SCN8A: variants seen among roughly 807,000 people sequenced by gnomAD.
The protein encoded by SCN8A is sodium voltage-gated channel alpha subunit 8.
SCN8A carries 30 observed loss-of-function variants against 184.1 expected under a neutral mutation model. The ratio of observed to expected loss-of-function variants is 0.16; its 90% CI spans 0.12 to 0.22. The LOEUF is 0.22. Among genes scored for constraint, SCN8A ranks in the 10% least tolerant of loss-of-function variants. The pLI is 1.00. For synonymous variants in SCN8A, 852 were observed against 907.0 expected, an observed-to-expected ratio of 0.94 and a Z score of 1.09; for missense variants, 1,057 against 2,498.9, an observed-to-expected ratio of 0.42 and a Z score of 12.30.
intron 1 of SCN8A, among the ~76,000 whole-genome samples, chr12:51,656,582 G>T (rs1163996661): frequency 2.0e-5 from 3 of 152,138 alleles, no homozygotes; most frequent in Non-Finnish European, 1.5e-5. Context: ...CTACAAACTA[G>T]TAAGAAAAAT....
At chr12:51,666,399 G>A (rs183039026) in intron 2 of SCN8A, among the ~76,000 whole-genome samples, 23 of 152,262 alleles carry the variant, frequency 1.5e-4, no homozygotes, top group African/African-American at 4.6e-4. Flanking sequence ...CCAGAATAGC[G>A]TATCTTAACC....
chr12:51,768,802 A>C, intron 16 of SCN8A, 63 bp from the exon 17 acceptor site: 13 of 1,402,728 alleles, frequency 9.3e-6, no homozygotes, highest in South Asian at 3.0e-5. Context: ...TCCAGTTTGC[A>C]ACCCTGAGTT....
chr12:51,646,571 C>T (rs1004949327), intron 1 of SCN8A, among the ~76,000 whole-genome samples: 1 of 152,020 alleles, frequency 6.6e-6, no homozygotes. Context: ...AAAAACTTTG[C>T]GAGAAGAAAT....
chr12:51,695,416 C>A (rs1941576998), intron 6 of SCN8A, among the ~76,000 whole-genome samples: 1 of 152,158 alleles, frequency 6.6e-6, no homozygotes, highest in East Asian at 1.9e-4. Flanking sequence ...GATGTTAAAC[C>A]AGCTGATTGT....
chr12:51,790,073 G>A (rs139986392), intron 24 of SCN8A, among the ~76,000 whole-genome samples: 1 of 152,310 alleles, frequency 6.6e-6, no homozygotes, highest in African/African-American at 2.4e-5. Flanking sequence ...CAGGAAAGCT[G>A]GCCCCCAGAA....
chr12:51,804,630 C>A (rs984097600), intron 26 of SCN8A, among the ~76,000 whole-genome samples: 7 of 152,120 alleles, frequency 4.6e-5, no homozygotes, highest in African/African-American at 1.7e-4. Context: ...GCTGGAATTA[C>A]ACTTGGCTAA....
At chr12:51,762,873 A>G (rs1047305625) in intron 15 of SCN8A, among the ~76,000 whole-genome samples, 197 bp downstream of exon 15, 7 of 152,236 alleles carry the variant, frequency 4.6e-5, no homozygotes, top group African/African-American at 1.4e-4. Flanking sequence ...TTAAAAATCA[A>G]TAAGCAAACA....
intron 1 of SCN8A, among the ~76,000 whole-genome samples, chr12:51,599,092 G>T (rs1939410084): frequency 1.3e-5 from 2 of 152,162 alleles, no homozygotes; most frequent in South Asian, 2.1e-4. Flanking sequence ...ATAACCTTGA[G>T]AACTATTGGT....
chr12:51,643,282 C>G (rs1317552732), intron 1 of SCN8A, among the ~76,000 whole-genome samples: 2 of 152,066 alleles, frequency 1.3e-5, no homozygotes, highest in Non-Finnish European at 2.9e-5. Flanking sequence ...CAATGTGATC[C>G]TAGGAATTCC....
chr12:51,713,683 G>T, intron 11 of SCN8A: 1 of 500,270 alleles, frequency 2.0e-6, no homozygotes, highest in Non-Finnish European at 3.5e-6. Flanking sequence ...TAAGGCTCAG[G>T]GCAGTTTATA....
At chr12:51,715,657 C>CAAAA (rs71092719) in intron 11 of SCN8A, among the ~76,000 whole-genome samples, 4 of 71,828 alleles carry the variant, frequency 5.6e-5, no homozygotes, top group African/African-American at 1.6e-4. Flanking sequence ...GTCTCTGTCT[C>CAAAA]AAAAAAAAAA....
intron 11 of SCN8A, among the ~76,000 whole-genome samples, chr12:51,720,637 C>A (rs1248526398): frequency 1.3e-5 from 2 of 151,610 alleles, no homozygotes; most frequent in African/African-American, 2.4e-5. Flanking sequence ...TAAATAAATA[C>A]ATAAATAAAA....
In SCN8A at chr12:51,810,902, G is replaced by C. The variant is rs1938872918; in HGVS notation, c.*3473G>C. The C allele has an allele frequency of 6.6e-6, 1 of 152,312 alleles. No homozygotes were observed. Among genetic ancestry groups the C allele is most frequent in the East Asian group, 1.9e-4 (1 of 5,186 alleles). 9.4% of individuals were successfully genotyped at this position (152,312 alleles called of 1,614,324 possible). ...CTGGAGAGAGATAAACAAACTCCCAGTCAAAGCCCCTAAAGCGACAGTGCC... is the reference window on the plus strand; with the variant it reads ...CTGGAGAGAGATAAACAAACTCCCACTCAAAGCCCCTAAAGCGACAGTGCC... On this transcript the variant is annotated 3_prime_UTR_variant, in exon 27 of 27. Transcript: ENST00000627620.
chr12:51,700,837 A>G (rs1036068158), intron 7 of SCN8A, among the ~76,000 whole-genome samples: 6 of 152,294 alleles, frequency 3.9e-5, no homozygotes, highest in Non-Finnish European at 8.8e-5. Flanking sequence ...AACTCAGAAA[A>G]CTTACTTTTA....
chr12:51,788,604 A>C (rs1938156006), intron 22 of SCN8A, 91 bp from the exon 23 acceptor site: 1 of 936,522 alleles, frequency 1.1e-6, no homozygotes, highest in Non-Finnish European at 1.6e-6. Flanking sequence ...CTGTGTTCTC[A>C]CTGAACCTAA....
intron 2 of SCN8A, among the ~76,000 whole-genome samples, chr12:51,671,237 A>G (rs1489437123): frequency 6.6e-6 from 1 of 152,200 alleles, no homozygotes; most frequent in East Asian, 1.9e-4. Context: ...ATACTTGAGC[A>G]TCAGTGTGAG....
rs117792354 is a variant in SCN8A, at chr12:51,616,671, G to A, written c.-55+25312G>A. On this transcript the variant is annotated intron_variant, in intron 1 of 26. Coordinates refer to ENST00000627620, the MANE Select transcript of SCN8A (RefSeq NM_001330260.2). Reference sequence around the variant, plus strand: ...ATGGTGGTTCCTGCTTGTCATCTCCGCACTTTGGGAGGCTGACATGGGAGG... The same window carrying A: ...ATGGTGGTTCCTGCTTGTCATCTCCACACTTTGGGAGGCTGACATGGGAGG... Among the ~76,000 whole-genome samples the A allele has an allele frequency of 1.6e-3, 241 of 152,102 alleles. 11 individuals are homozygous for A. In the East Asian group the frequency reaches 0.041, roughly 26 times the overall value.
At chr12:51,778,980 C>T (rs1254336201) in intron 20 of SCN8A, among the ~76,000 whole-genome samples, 1 of 151,992 alleles carries the variant, frequency 6.6e-6, no homozygotes, top group Admixed American at 6.6e-5. Context: ...CTTTGGGAGG[C>T]CAAGGCAGGC....
chr12:51,704,570 T>C (rs1393748243), intron 9 of SCN8A, among the ~76,000 whole-genome samples: 1 of 148,578 alleles, frequency 6.7e-6, no homozygotes, highest in Non-Finnish European at 1.5e-5. Context: ...CTCGGGAGGC[T>C]GAGGTGGGAG....
Sources: gnomAD v4.1 joint callset for allele counts (sites outside exome capture counted in the v4.1 genomes callset) on GRCh38, gnomAD v4.1.1 for gene constraint, MANE v1.5 for transcripts, NCBI Gene and HGNC (gene_info 2026-07-23, HGNC 2026-07-21) for gene names.